KCNA2: variants seen among roughly 807,000 people sequenced by gnomAD.
KCNA2 encodes the protein potassium channel, voltage gated shaker related subfamily A, member 2.
In KCNA2, 11 loss-of-function variants were observed where a neutral mutation model predicts 33.4. That is an observed-to-expected ratio of 0.33 (90% CI 0.21 to 0.55). The LOEUF (loss-of-function observed/expected upper bound fraction) is 0.55, where lower values mean the gene tolerates loss of function less well. Among genes scored for constraint, KCNA2 ranks in the 20% least tolerant of loss-of-function variants. The pLI is 0.93. For synonymous variants in KCNA2, 222 were observed against 231.3 expected, an observed-to-expected ratio of 0.96 and a Z score of 0.37; for missense variants, 291 against 621.6, an observed-to-expected ratio of 0.47 and a Z score of 5.66.
chr1:110,616,621 A>G (rs1650075394), intron 1 of KCNA2, among the ~76,000 whole-genome samples: 1 of 152,246 alleles, frequency 6.6e-6, no homozygotes, highest in Non-Finnish European at 1.5e-5. Flanking sequence ...TGTGAGAAGG[A>G]TAATTCCTAA....
Position 110,600,702 on chromosome 1 carries a change from A to AT in KCNA2, c.*2580dup. ...TCAGATATGGGTTGCTTTACCTTCT[A>AT]TTTTCCAAAGATCTGTGTCCCTCCC... On this transcript the variant is annotated 3_prime_UTR_variant, in exon 3 of 3. Coordinates refer to ENST00000316361, the MANE Select transcript of KCNA2 (RefSeq NM_004974.4). 1.0e-6 allele frequency: 1 copy of AT among 985,242 alleles called. No homozygotes were observed. The highest frequency in any genetic ancestry group is 1.2e-6 in the Non-Finnish European group (1 of 829,890). 61.0% of individuals were successfully genotyped at this position (985,242 alleles called of 1,614,324 possible).
At chr1:110,610,187 T>C (rs927902379), upstream of KCNA2, among the ~76,000 whole-genome samples, 11 of 152,252 alleles carry the variant, frequency 7.2e-5, no homozygotes, top group Admixed American at 7.2e-4. Flanking sequence ...AGGGAAGGGC[T>C]GTGGTGGCTG....
chr1:110,612,322 T>A (rs1487276623), intron 1 of KCNA2, among the ~76,000 whole-genome samples: 2 of 152,218 alleles, frequency 1.3e-5, no homozygotes, highest in Non-Finnish European at 2.9e-5. Context: ...ACCCAGGCTG[T>A]ATGGTAGAGC....
chr1:110,616,243 G>T (rs1482642982), intron 1 of KCNA2, among the ~76,000 whole-genome samples: 1 of 152,172 alleles, frequency 6.6e-6, no homozygotes. Context: ...GTAGCCCCTG[G>T]CCCAGGCTTC....
chr1:110,619,680 C>T (rs1448867411), intron 1 of KCNA2, among the ~76,000 whole-genome samples: 1 of 152,254 alleles, frequency 6.6e-6, no homozygotes, highest in African/African-American at 2.4e-5. Context: ...CCTGCGCATC[C>T]CGTATCCCGG....
chr1:110,599,989 G>C lies in KCNA2; in HGVS notation c.*3294C>G, dbSNP rs1649266471. ...CTTAGTCAGATATCTGCTTGATGTG[G>C]TGGCCCATCCTCCTGCTTGAAACCT... On this transcript the variant is annotated 3_prime_UTR_variant, in exon 3 of 3. Transcript: ENST00000316361. 4.1e-6 allele frequency: 4 copies of C among 985,146 alleles called. No homozygotes were observed. Among genetic ancestry groups the C allele is most frequent in the Admixed American group, 6.2e-5 (1 of 16,244 alleles). 61.0% of individuals were successfully genotyped at this position (985,146 alleles called of 1,614,324 possible).
intron 1 of KCNA2, among the ~76,000 whole-genome samples, chr1:110,613,347 C>T (rs1198014904): frequency 2.6e-5 from 4 of 152,232 alleles, no homozygotes; most frequent in South Asian, 2.1e-4. Context: ...GTGGAAGCAC[C>T]CTGAGGGCAG....
intron 1 of KCNA2, among the ~76,000 whole-genome samples, chr1:110,620,862 G>A (rs1408776801): frequency 2.0e-5 from 3 of 152,172 alleles, no homozygotes; most frequent in Admixed American, 1.3e-4. Context: ...GAGTGAGTGC[G>A]TCTATCCACC....
chr1:110,618,487 G>A (rs957952698), intron 1 of KCNA2, among the ~76,000 whole-genome samples: 1 of 152,172 alleles, frequency 6.6e-6, no homozygotes, highest in Non-Finnish European at 1.5e-5. Flanking sequence ...CTGTGGAATT[G>A]CTGCTCTGTG....
chr1:110,601,534 G>T lies in KCNA2; in HGVS notation c.*1749C>A. Reference sequence around the variant, plus strand: ...GCCCAGGACAGCTGGAACTGTGAGGGCCACAGGGCCCTTGTGCACTCAGTA... The same window carrying T: ...GCCCAGGACAGCTGGAACTGTGAGGTCCACAGGGCCCTTGTGCACTCAGTA... On this transcript the variant is annotated 3_prime_UTR_variant, in exon 3 of 3. Transcript: ENST00000316361. The T allele has an allele frequency of 1.0e-6, 1 of 986,596 alleles. No individual in the cohort carries two copies. Among genetic ancestry groups the T allele is most frequent in the Non-Finnish European group, 1.2e-6 (1 of 830,780 alleles). 61.1% of individuals were successfully genotyped at this position (986,596 alleles called of 1,614,324 possible).
In KCNA2 at chr1:110,594,666, G is replaced by C; in HGVS notation, c.*8617C>G. 4.1e-6 allele frequency: 4 copies of C among 985,362 alleles called. No homozygotes were observed. Among genetic ancestry groups the C allele is most frequent in the Non-Finnish European group, 4.8e-6 (4 of 829,966 alleles). 61.0% of individuals were successfully genotyped at this position (985,362 alleles called of 1,614,324 possible). ...TCAAATGAAGGAACCATCCAAGCAC[G>C]ACAACAAAAGGAAACTGGGTCGCTG... On this transcript the variant is annotated 3_prime_UTR_variant, in exon 3 of 3. Coordinates refer to ENST00000316361, the MANE Select transcript of KCNA2 (RefSeq NM_004974.4).
chr1:110,611,024 G>GGAAGGAAGGAAA (rs1330812800), upstream of KCNA2, among the ~76,000 whole-genome samples: 287 of 104,454 alleles, frequency 2.7e-3, 3 homozygotes, highest in African/African-American at 0.012. Context: ...GAATGAGGAA[G>GGAAGGAAGGAAA]GAAGGAAGGA....
In KCNA2 at chr1:110,603,960, C is replaced by T; in HGVS notation, c.823G>A (p.Ala275Thr). ...PYFITLGTEL[A>T]EKPEDAQQGQ... ...TGCTGAGCGTCCTCTGGCTTCTCAGCCAACTCTGTCCCCAGGGTGATGAAG... is the reference window on the plus strand; with the variant it reads ...TGCTGAGCGTCCTCTGGCTTCTCAGTCAACTCTGTCCCCAGGGTGATGAAG... The change falls in exon 3 of 3, where the codon GCT becomes ACT. Residue 275 changes from alanine (A) to threonine (T), a missense_variant. Ala to Thr is a moderately conservative substitution (Grantham distance 58). Transcript: ENST00000316361. This position sits in a 1 kb window ranked among gnomAD's most constrained non-coding sequence, Gnocchi z 5.7. The T allele has an allele frequency of 6.2e-7, 1 of 1,614,162 alleles. No individual in the cohort carries two copies. Among genetic ancestry groups the T allele is most frequent in the Non-Finnish European group, 8.5e-7 (1 of 1,180,042 alleles).
chr1:110,606,420 A>G (rs973113728), upstream of KCNA2: 4 of 152,166 alleles, frequency 2.6e-5, no homozygotes, highest in Non-Finnish European at 5.9e-5. Flanking sequence ...AGCCTGGAGG[A>G]AGCCGGCTTC....
rs1046150192 is a variant in KCNA2 at position 110,594,018 on chromosome 1, T to A, written c.*9265A>T. ...GTCCTGCTCCGCCTTCAGCTCTCAT[T>A]GGTCCCCAGCCTCTTATCACCATGG... On this transcript the variant is annotated 3_prime_UTR_variant, in exon 3 of 3. Transcript: ENST00000316361. 6 of 1,539,730 alleles carry A rather than the reference T, an allele frequency of 3.9e-6. No individual in the cohort carries two copies. The highest frequency in any genetic ancestry group is 2.0e-5 in the Admixed American group (1 of 50,012).
At chr1:110,626,469 G>A (rs747388130) in intron 1 of KCNA2, among the ~76,000 whole-genome samples, 1 of 152,032 alleles carries the variant, frequency 6.6e-6, no homozygotes, top group African/African-American at 2.4e-5. Flanking sequence ...AATGAATCTC[G>A]GTGGTTATCT....
In KCNA2 at chr1:110,594,043, G is replaced by A; in HGVS notation, c.*9240C>T. 1 of 1,515,596 alleles carries A rather than the reference G, an allele frequency of 6.6e-7. No individual in the cohort carries two copies. The highest frequency in any genetic ancestry group is 8.8e-7 in the Non-Finnish European group (1 of 1,132,832). 93.9% of individuals were successfully genotyped at this position (1,515,596 alleles called of 1,614,324 possible). A position where few individuals can be genotyped will look rare whatever the true frequency, so the allele number is the denominator to read the frequency against. Reference sequence around the variant, plus strand: ...TGGTCCCCAGCCTCTTATCACCATGGAGACCCCAGTTCCCTTTCGGCATCA... The same window carrying A: ...TGGTCCCCAGCCTCTTATCACCATGAAGACCCCAGTTCCCTTTCGGCATCA... On this transcript the variant is annotated 3_prime_UTR_variant, in exon 3 of 3. Transcript: ENST00000316361.
intron 1 of KCNA2, among the ~76,000 whole-genome samples, chr1:110,619,464 A>G (rs558742948): frequency 6.6e-6 from 1 of 152,360 alleles, no homozygotes; most frequent in South Asian, 2.1e-4. Context: ...TACACATACA[A>G]GGTGGAAATC....
In KCNA2 at chr1:110,596,952, GC is replaced by G; in HGVS notation, c.*6330del. On this transcript the variant is annotated 3_prime_UTR_variant, in exon 3 of 3. Transcript: ENST00000316361. ...TGTTAGGAAAGGGGACTCTTCTGAA[GC>G]CCCTGGCTATGTGTGCAAATATTTG... is the stretch of plus-strand genomic sequence containing the variant. The G allele has an allele frequency of 1.0e-6, 1 of 985,418 alleles. No individual in the cohort carries two copies. Among genetic ancestry groups the G allele is most frequent in the Non-Finnish European group, 1.2e-6 (1 of 829,920 alleles). The allele number at this position is 985,418 out of a possible 1,614,324, so 61.0% of individuals were successfully genotyped here.
Sources: allele counts gnomAD v4.1 joint callset (sites outside exome capture counted in the v4.1 genomes callset), GRCh38; gene constraint gnomAD v4.1.1; non-coding constraint Gnocchi (gnomAD v3.1); transcripts MANE v1.5; gene names NCBI Gene and HGNC (gene_info 2026-07-23, HGNC 2026-07-21).